The following TRA2B variants were observed in gnomAD, a reference collection of about 807,000 sequenced individuals.
TRA2B encodes transformer 2 beta homolog, also known as transformer-2 protein homolog beta.
Under a neutral mutation model 41.7 loss-of-function variants are expected in TRA2B, and 14 were observed. That is an observed-to-expected ratio of 0.34 (90% CI 0.22 to 0.53). The LOEUF is 0.53. TRA2B is among the 20% of genes least tolerant of loss of function. The pLI is 0.95. For synonymous variants in TRA2B, 130 were observed against 128.8 expected (o/e 1.01, Z -0.06); for missense variants, 167 against 396.8 (o/e 0.42, Z 4.92).
chr3:185,922,865 T>C (rs957208247), intron 4 of TRA2B: 1 of 152,276 alleles, frequency 6.6e-6, no homozygotes, highest in African/African-American at 2.4e-5. Context: ...TCCAATACTA[T>C]GCTATCTTCT....
At chr3:185,931,890 A>C in intron 1 of TRA2B, 1 of 1,340,768 alleles carries the variant, frequency 7.5e-7, no homozygotes, top group South Asian at 1.9e-5. Flanking sequence ...ATATTTTAAA[A>C]CTCCAGGATA....
intron 5 of TRA2B, 130 bp from the exon 6 acceptor site, chr3:185,921,317 A>G: frequency 6.6e-6 from 5 of 763,298 alleles, no homozygotes; most frequent in Non-Finnish European, 8.8e-6. Flanking sequence ...TCTCACCTAT[A>G]TTGAGCAAAC....
rs1743496838 is a variant in TRA2B, at chr3:185,916,277, A to C, written c.*1438T>G. On this transcript the variant is annotated 3_prime_UTR_variant, in exon 9 of 9. Transcript: ENST00000453386. ...CTGTGGACTAAGATCACCTAGGTTC[A>C]ATTCAGATCGTGGCATTGCCACTTA... The C allele has an allele frequency of 6.6e-6, 1 of 152,212 alleles. No individual in the cohort carries two copies. The highest frequency in any genetic ancestry group is 1.5e-5 in the Non-Finnish European group (1 of 68,038). 9.4% of individuals were successfully genotyped at this position (152,212 alleles called of 1,614,324 possible).
Position 185,925,464 on chromosome 3 carries a change from C to G in TRA2B, c.333G>C (p.Arg111=). The part of the protein sequence containing the change: ...MSTRRRHVGN[R]ANPDPNCCLG... ...CTTCAAAACCAGTTTTTCATCTTACCCGATTCCCAACATGACGCCTGCGAG... is the reference window on the plus strand; with the variant it reads ...CTTCAAAACCAGTTTTTCATCTTACGCGATTCCCAACATGACGCCTGCGAG... The change falls in exon 3 of 9, where the codon CGG becomes CGC. Residue 111 remains arginine (R), a splice_region_variant and synonymous_variant. Transcript: ENST00000453386. 6.2e-7 allele frequency: 1 copy of G among 1,611,104 alleles called. No homozygotes were observed. Among genetic ancestry groups the G allele is most frequent in the South Asian group, 1.1e-5 (1 of 90,256 alleles).
At chr3:185,921,629 C>T (rs1026242385) in intron 5 of TRA2B, among the ~76,000 whole-genome samples, 17 of 152,028 alleles carry the variant, frequency 1.1e-4, no homozygotes, top group Admixed American at 5.2e-4. Context: ...CCGGACGTTG[C>T]GACACGCGCC....
At chr3:185,928,363 G>A (rs1390507692) in intron 1 of TRA2B, 1 of 152,178 alleles carries the variant, frequency 6.6e-6, no homozygotes, top group Non-Finnish European at 1.5e-5. Flanking sequence ...GACATGAAAT[G>A]TGACAGCCTT....
At chr3:185,936,895 C>T (rs1305835934) in intron 1 of TRA2B, 1 of 985,338 alleles carries the variant, frequency 1.0e-6, no homozygotes, top group South Asian at 4.7e-5. Context: ...ATTCAATCAA[C>T]CCTCACTGAA....
intron 1 of TRA2B, chr3:185,937,335 ACGT>A: frequency 1.0e-6 from 1 of 990,038 alleles, no homozygotes; most frequent in Non-Finnish European, 1.2e-6. Flanking sequence ...ACCCAAAAGA[ACGT>A]CGTCTGTCCC....
At chr3:185,931,496 T>C in intron 1 of TRA2B, 1 of 1,011,004 alleles carries the variant, frequency 9.9e-7, no homozygotes, top group Non-Finnish European at 1.2e-6. Flanking sequence ...CTTTACCCTG[T>C]ATATATTTTC....
intron 1 of TRA2B, among the ~76,000 whole-genome samples, chr3:185,932,294 G>T (rs997789676): frequency 1.3e-5 from 2 of 152,134 alleles, no homozygotes; most frequent in Non-Finnish European, 2.9e-5. Context: ...GGTTGAAGAG[G>T]TTTACAGTAT....
intron 1 of TRA2B, among the ~76,000 whole-genome samples, chr3:185,932,879 T>C (rs1303303099): frequency 1.3e-5 from 2 of 152,158 alleles, no homozygotes; most frequent in Non-Finnish European, 2.9e-5. Context: ...TTTAAAAAAA[T>C]TGCAAGTCTT....
At chr3:185,917,922 TG>T (rs1743564598) in intron 8 of TRA2B, among the ~76,000 whole-genome samples, 197 bp from the exon 9 acceptor site, 1 of 152,158 alleles carries the variant, frequency 6.6e-6, no homozygotes, top group African/African-American at 2.4e-5. Flanking sequence ...CAGAAATTGC[TG>T]GGAAGTATAT....
At chr3:185,918,870 G>C (rs1391100786) in intron 7 of TRA2B, among the ~76,000 whole-genome samples, 3 of 151,986 alleles carry the variant, frequency 2.0e-5, no homozygotes, top group Non-Finnish European at 2.9e-5. Context: ...GCTCTGTGCG[G>C]TGGTGCATGC....
intron 1 of TRA2B, chr3:185,934,801 T>C (rs1744285363): frequency 6.1e-6 from 6 of 985,342 alleles, no homozygotes; most frequent in Non-Finnish European, 7.2e-6. Flanking sequence ...TGGGTTGGTG[T>C]CCAGATGCTG....
intron 3 of TRA2B, chr3:185,924,847 G>A (rs532318451): frequency 6.6e-6 from 1 of 152,262 alleles, no homozygotes; most frequent in South Asian, 2.1e-4. Flanking sequence ...TAAAGAGTGA[G>A]CCATATGTTG....
At chr3:185,925,718 CA>C (rs1743921604) in intron 2 of TRA2B, 92 bp from the exon 3 acceptor site, 3 of 1,329,878 alleles carry the variant, frequency 2.3e-6, no homozygotes, top group Non-Finnish European at 3.0e-6. Context: ...AAAGAGGGAA[CA>C]ATCCAGGAAT....
intron 6 of TRA2B, 147 bp downstream of exon 6, chr3:185,920,957 C>T (rs775558544): frequency 4.4e-4 from 232 of 530,852 alleles, no homozygotes; most frequent in Non-Finnish European, 6.7e-4. Flanking sequence ...GACACAGAAC[C>T]TTAGAATCTG....
rs1412229214 is a variant in TRA2B at position 185,915,565 on chromosome 3, C to T, written c.*2150G>A. Among the ~76,000 whole-genome samples the T allele has an allele frequency of 1.3e-5, 2 of 152,210 alleles. No individual in the cohort carries two copies. Among genetic ancestry groups the T allele is most frequent in the African/African-American group, 4.8e-5 (2 of 41,456 alleles). ...TTTGTCTCACTACTTCTCAGTCTAT[C>T]TCAACTTGGTAAAATTCCAAATTTT... On this transcript the variant is annotated 3_prime_UTR_variant, in exon 9 of 9. Transcript: ENST00000453386.
At chr3:185,935,221 AAG>A (rs1744301988) in intron 1 of TRA2B, 3 of 985,382 alleles carry the variant, frequency 3.0e-6, no homozygotes, top group Non-Finnish European at 3.6e-6. Context: ...ATTTTGGGGG[AAG>A]AGTCTTGAAT....
Sources: allele counts gnomAD v4.1 joint callset (sites outside exome capture counted in the v4.1 genomes callset), GRCh38; gene constraint gnomAD v4.1.1; transcripts MANE v1.5; gene names NCBI Gene and HGNC (gene_info 2026-07-23, HGNC 2026-07-21).